LRRIQ3: variants seen among roughly 807,000 people sequenced by gnomAD.
The protein encoded by LRRIQ3 is leucine-rich repeat and IQ domain-containing protein 3.
A neutral mutation model predicts 59.3 loss-of-function variants in LRRIQ3; 75 were observed. The ratio of observed to expected loss-of-function variants is 1.26; its 90% confidence interval spans 1.05 to 1.53. LRRIQ3 has a LOEUF of 1.53. LRRIQ3 is among the 40% of genes most tolerant of loss of function. LRRIQ3 has a pLI of 0.00. For missense variants in LRRIQ3, 831 were observed against 710.0 expected (o/e 1.17, Z -1.94); for synonymous variants, 250 against 231.3 (o/e 1.08, Z -0.73).
At chr1:74,033,079 G>A (rs1034210206) in intron 7 of LRRIQ3, among the ~76,000 whole-genome samples, 1 of 151,980 alleles carries the variant, frequency 6.6e-6, no homozygotes, top group East Asian at 1.9e-4. Flanking sequence ...ATAGAAAGCT[G>A]TACTGTTGAA....
At chr1:74,069,820 T>C (rs1376520785) in intron 6 of LRRIQ3, among the ~76,000 whole-genome samples, 1 of 152,070 alleles carries the variant, frequency 6.6e-6, no homozygotes, top group Non-Finnish European at 1.5e-5. Context: ...TCCAAGACAG[T>C]AGGATTTCAT....
At chr1:74,040,340 TGGGA>T (rs1654005675) in intron 7 of LRRIQ3, among the ~76,000 whole-genome samples, 1 of 152,098 alleles carries the variant, frequency 6.6e-6, no homozygotes, top group Admixed American at 6.6e-5. Flanking sequence ...ACAATAATAG[TGGGA>T]GACTTTAATA....
At chr1:74,081,364 G>T (rs1408196789) in intron 5 of LRRIQ3, among the ~76,000 whole-genome samples, 1 of 151,584 alleles carries the variant, frequency 6.6e-6, no homozygotes, top group Non-Finnish European at 1.5e-5. Context: ...CTCAGTTCAA[G>T]AATGGTCTAA....
chr1:74,071,543 C>T (rs1247476964), intron 6 of LRRIQ3, among the ~76,000 whole-genome samples: 4 of 152,168 alleles, frequency 2.6e-5, no homozygotes, highest in Non-Finnish European at 4.4e-5. Context: ...ACCTAGAAAG[C>T]TACCCTTGAT....
chr1:74,094,638 G>A (rs913484480), intron 5 of LRRIQ3, among the ~76,000 whole-genome samples: 11 of 152,102 alleles, frequency 7.2e-5, no homozygotes, highest in Admixed American at 5.9e-4. Context: ...TGTAGTAATA[G>A]AAAACTAATA....
At chr1:74,120,715 A>G (rs994827564) in intron 4 of LRRIQ3, among the ~76,000 whole-genome samples, 1 of 152,004 alleles carries the variant, frequency 6.6e-6, no homozygotes, top group Non-Finnish European at 1.5e-5. Context: ...TTTAAATTTT[A>G]AAATAAATGA....
At chr1:74,063,058 C>CTAAAG (rs1384217377) in intron 6 of LRRIQ3, among the ~76,000 whole-genome samples, 1 of 61,748 alleles carries the variant, frequency 1.6e-5, no homozygotes, top group Non-Finnish European at 4.2e-5. Flanking sequence ...ACAACCACTA[C>CTAAAG]CAAAGCAAAA....
At chr1:74,114,442 T>C (rs1025299154) in intron 4 of LRRIQ3, among the ~76,000 whole-genome samples, 4 of 152,068 alleles carry the variant, frequency 2.6e-5, no homozygotes, top group African/African-American at 9.6e-5. Context: ...TTAAAGTGTA[T>C]ATTGTAAGGC....
In LRRIQ3 at chr1:74,074,718, A is replaced by G. The variant is rs1646182939; in HGVS notation, c.940T>C (p.Leu314=). The change falls in exon 6 of 8, where the codon TTA becomes CTA. Residue 314 remains leucine (L), a synonymous_variant. Coordinates refer to ENST00000354431, the MANE Select transcript of LRRIQ3 (RefSeq NM_001105659.2). ...TTCATGCCTAGATCTTTTGGTTTTAATTCACATAAAATAGATGACACATGT... is the reference window on the plus strand; with the variant it reads ...TTCATGCCTAGATCTTTTGGTTTTAGTTCACATAAAATAGATGACACATGT... ...RKHVSSILCE[L]KPKDLGMKSK... is the part of the protein sequence containing the mutation. 1 of 1,463,934 alleles carries G rather than the reference A, an allele frequency of 6.8e-7. No homozygotes were observed. Among genetic ancestry groups the G allele is most frequent in the Non-Finnish European group, 9.2e-7 (1 of 1,086,392 alleles). 90.7% of individuals were successfully genotyped at this position (1,463,934 alleles called of 1,614,324 possible). A position where few individuals can be genotyped will look rare whatever the true frequency, so the allele number is the denominator to read the frequency against.
intron 4 of LRRIQ3, among the ~76,000 whole-genome samples, chr1:74,132,699 A>G (rs953683280): frequency 6.6e-6 from 1 of 152,188 alleles, no homozygotes; most frequent in African/African-American, 2.4e-5. Context: ...CTTATACCTT[A>G]TACAAAAATT....
At chr1:74,098,609 C>G (rs1423223158) in intron 5 of LRRIQ3, among the ~76,000 whole-genome samples, 1 of 152,168 alleles carries the variant, frequency 6.6e-6, no homozygotes, top group Non-Finnish European at 1.5e-5. Flanking sequence ...ACATTCTTCT[C>G]AGTACCACAT....
intron 3 of LRRIQ3, among the ~76,000 whole-genome samples, chr1:74,172,219 T>C (rs1364930586): frequency 2.0e-5 from 3 of 152,132 alleles, no homozygotes; most frequent in African/African-American, 4.8e-5. Context: ...TTAAAATAGA[T>C]TTCACTATAA....
intron 3 of LRRIQ3, among the ~76,000 whole-genome samples, chr1:74,160,872 AG>A (rs2100678852): frequency 6.6e-6 from 1 of 152,172 alleles, no homozygotes; most frequent in African/African-American, 2.4e-5. Flanking sequence ...GAAAACATAG[AG>A]GGTTTTGCAG....
Position 74,192,579 on chromosome 1 carries a change from A to C in LRRIQ3, c.-1+5417T>G, listed in dbSNP as rs187308998. The stretch of plus-strand genomic sequence containing the variant: ...AACACTAAAATAATTTAGTCTTATA[A>C]GCAGTCTTCCCCATACACTATATTA... On this transcript the variant is annotated intron_variant, in intron 1 of 7. Coordinates refer to ENST00000354431, the MANE Select transcript of LRRIQ3 (RefSeq NM_001105659.2). Among the ~76,000 whole-genome samples, 182 of 152,248 alleles carry C rather than the reference A, an allele frequency of 1.2e-3. 1 individual carries two copies. The highest frequency in any genetic ancestry group is 4.3e-3 in the African/African-American group (179 of 41,554).
chr1:74,118,958 T>C (rs763359338), intron 4 of LRRIQ3, among the ~76,000 whole-genome samples: 4 of 152,150 alleles, frequency 2.6e-5, no homozygotes, highest in Non-Finnish European at 5.9e-5. Flanking sequence ...TGGAGGGTAA[T>C]ATGCTTCACT....
chr1:74,117,713 C>G (rs1392475022), intron 4 of LRRIQ3, among the ~76,000 whole-genome samples: 1 of 152,058 alleles, frequency 6.6e-6, no homozygotes, highest in Non-Finnish European at 1.5e-5. Flanking sequence ...TTGCAGTGAG[C>G]TGAGATCGCA....
At chr1:74,036,148 G>GC (rs200840086) in intron 7 of LRRIQ3, among the ~76,000 whole-genome samples, 3,070 of 152,160 alleles carry the variant, frequency 0.02, 56 homozygotes, top group Non-Finnish European at 0.028. Flanking sequence ...AAAAAATGCT[G>GC]CCCCCAAATA....
intron 6 of LRRIQ3, among the ~76,000 whole-genome samples, chr1:74,068,657 T>C (rs1654935276): frequency 6.6e-6 from 1 of 152,042 alleles, no homozygotes; most frequent in Admixed American, 6.6e-5. Flanking sequence ...AAAAACAAAA[T>C]ACATTTTTGG....
chr1:74,059,359 A>G (rs1329666923), intron 6 of LRRIQ3, among the ~76,000 whole-genome samples: 1 of 145,854 alleles, frequency 6.9e-6, no homozygotes, highest in African/African-American at 2.8e-5. Context: ...CTTTTAAGAC[A>G]TTTATAATTT....
Sources: allele counts gnomAD v4.1 joint callset (sites outside exome capture counted in the v4.1 genomes callset), GRCh38; gene constraint gnomAD v4.1.1; transcripts MANE v1.5; gene names NCBI Gene and HGNC (gene_info 2026-07-23, HGNC 2026-07-21).